PITPNB: variants seen among roughly 807,000 people sequenced by gnomAD.
The protein encoded by PITPNB is phosphatidylinositol transfer protein beta isoform.
A neutral mutation model predicts 45.9 loss-of-function variants in PITPNB; 16 were observed. That is an observed-to-expected ratio of 0.35 (90% CI 0.24 to 0.53). PITPNB has a LOEUF of 0.53. Among genes scored for constraint, PITPNB ranks in the 20% least tolerant of loss-of-function variants. The pLI is 0.93. For synonymous variants in PITPNB, 112 were observed against 108.9 expected, an observed-to-expected ratio of 1.03 and a Z score of -0.18; for missense variants, 188 against 330.5, an observed-to-expected ratio of 0.57 and a Z score of 3.34.
At chr22:27,906,129 C>T (rs1202422305) in intron 3 of PITPNB, among the ~76,000 whole-genome samples, 2 of 152,074 alleles carry the variant, frequency 1.3e-5, no homozygotes, top group African/African-American at 4.8e-5. Flanking sequence ...CCATGGAATG[C>T]CTCTGCATAG....
chr22:27,881,452 C>T (rs922887732), intron 7 of PITPNB, among the ~76,000 whole-genome samples: 1 of 152,170 alleles, frequency 6.6e-6, no homozygotes, highest in Non-Finnish European at 1.5e-5. Flanking sequence ...ATTTTTAAGA[C>T]AGAAATGAAC....
At chr22:27,917,723 G>A (rs933027213) in intron 1 of PITPNB, among the ~76,000 whole-genome samples, 1 of 152,204 alleles carries the variant, frequency 6.6e-6, no homozygotes, top group African/African-American at 2.4e-5. Flanking sequence ...CTGGGGATAT[G>A]AGAGTGAGCA....
rs115756297 is a variant in PITPNB at position 27,862,639 on chromosome 22, C to T, written c.535-2398G>A. Among the ~76,000 whole-genome samples the T allele has an allele frequency of 6.8e-3, 1,031 of 152,218 alleles. 7 individuals are homozygous for T. Among genetic ancestry groups the T allele is most frequent in the African/African-American group, 0.023 (936 of 41,522 alleles). ...AAAACAGAGTACCAATGTGAAAATT[C>T]AGGATGTATGTGTATGTGTATATGT... On this transcript the variant is annotated intron_variant, in intron 8 of 11. Transcript: ENST00000335272.
chr22:27,911,971 C>G (rs963325082), intron 2 of PITPNB, among the ~76,000 whole-genome samples: 1 of 152,142 alleles, frequency 6.6e-6, no homozygotes, highest in Non-Finnish European at 1.5e-5. Flanking sequence ...GGAAAAAGTT[C>G]TCGTGTTCTA....
At chr22:27,918,758 C>A (rs1021643667) in intron 1 of PITPNB, among the ~76,000 whole-genome samples, 47 of 152,182 alleles carry the variant, frequency 3.1e-4, no homozygotes, top group Non-Finnish European at 5.9e-5. Flanking sequence ...GACTCCACCC[C>A]GGACGACAAA....
At position 27,885,967 on chromosome 22, in the gene PITPNB, T is replaced by C. The variant is rs1479001628; in HGVS notation, c.456+8588A>G. 2.6e-5 allele frequency among the ~76,000 whole-genome samples: 4 copies of C among 152,308 alleles called. No homozygotes were observed. The East Asian group carries it at 7.7e-4, about 29-fold the overall frequency. On this transcript the variant is annotated intron_variant, in intron 7 of 11. Transcript: ENST00000335272. ...GTACAATCCTGACCGCCAAGAGGCA[T>C]CTAGCTTACTGAGGAAGACTTTTAG... is the stretch of plus-strand genomic sequence containing the variant.
chr22:27,855,074 G>A, intron 10 of PITPNB, 135 bp from the exon 11 acceptor site: 2 of 618,860 alleles, frequency 3.2e-6, no homozygotes, highest in Non-Finnish European at 5.7e-6. Flanking sequence ...ATGAAGTTCT[G>A]TGGCCCCTCA....
intron 1 of PITPNB, 157 bp downstream of exon 1, chr22:27,919,015 G>C (rs1936187007): frequency 9.4e-7 from 1 of 1,065,464 alleles, no homozygotes; most frequent in Non-Finnish European, 1.4e-6. Flanking sequence ...CGCACTCGCT[G>C]AGGGGCTTCG....
intron 11 of PITPNB, among the ~76,000 whole-genome samples, chr22:27,854,163 T>C (rs1329981641): frequency 6.6e-6 from 1 of 151,984 alleles, no homozygotes; most frequent in Non-Finnish European, 1.5e-5. Flanking sequence ...TATAGTTCAG[T>C]ATAAACAAAT....
Position 27,912,608 on chromosome 22 carries a change from T to C in PITPNB, c.52-1499A>G, listed in dbSNP as rs184553393. On this transcript the variant is annotated intron_variant, in intron 2 of 11. Coordinates refer to ENST00000335272, the MANE Select transcript of PITPNB (RefSeq NM_012399.5). ...GACATTTCATGGCATGCTACTTAGT[T>C]TTCTCTCATTCTCCTTTTTTAAGAA... 6.4e-4 allele frequency among the ~76,000 whole-genome samples: 97 copies of C among 152,076 alleles called. 1 individual carries two copies. The highest frequency in any genetic ancestry group is 2.3e-3 in the African/African-American group (95 of 41,456).
At chr22:27,909,577 G>C (rs1297839261) in intron 3 of PITPNB, among the ~76,000 whole-genome samples, 1 of 151,950 alleles carries the variant, frequency 6.6e-6, no homozygotes, top group African/African-American at 2.4e-5. Context: ...TTTAACAAGA[G>C]ACTATCTTTT....
chr22:27,889,260 C>T (rs8137234), intron 7 of PITPNB, among the ~76,000 whole-genome samples: 6,358 of 152,112 alleles, frequency 0.042, 445 homozygotes, highest in African/African-American at 0.15. Flanking sequence ...CCCTTCAGCT[C>T]GAAAAACTAC....
chr22:27,910,860 C>T, intron 3 of PITPNB, 104 bp downstream of exon 3: 2 of 772,176 alleles, frequency 2.6e-6, no homozygotes, highest in Non-Finnish European at 4.4e-6. Flanking sequence ...TATTATCAAA[C>T]TGAAATTAAA....
At chr22:27,893,713 CT>C (rs1935356549) in intron 7 of PITPNB, among the ~76,000 whole-genome samples, 1 of 151,456 alleles carries the variant, frequency 6.6e-6, no homozygotes, top group Non-Finnish European at 1.5e-5. Flanking sequence ...TCTAAGCCTC[CT>C]CATGTAGCTG....
chr22:27,902,250 C>T (rs1418296927), intron 3 of PITPNB, among the ~76,000 whole-genome samples: 2 of 152,036 alleles, frequency 1.3e-5, no homozygotes, highest in African/African-American at 4.8e-5. Context: ...GAGGGAACAG[C>T]ATGACTACAG....
chr22:27,898,104 G>T, intron 3 of PITPNB: 1 of 488,614 alleles, frequency 2.0e-6, no homozygotes, highest in South Asian at 2.1e-5. Flanking sequence ...AGCTGGGTAT[G>T]GTGGCTCATG....
chr22:27,878,894 G>A (rs999565896), intron 7 of PITPNB, among the ~76,000 whole-genome samples: 1 of 152,162 alleles, frequency 6.6e-6, no homozygotes, highest in African/African-American at 2.4e-5. Context: ...GGACAAAACT[G>A]CATTAAAAAA....
At chr22:27,858,650 T>A in intron 9 of PITPNB, 141 bp from the exon 10 acceptor site, 1 of 593,356 alleles carries the variant, frequency 1.7e-6, no homozygotes, top group Non-Finnish European at 2.9e-6. Flanking sequence ...GTGGAAATCA[T>A]AATTCCATTT....
intron 10 of PITPNB, among the ~76,000 whole-genome samples, chr22:27,856,144 A>G (rs1934165631): frequency 6.6e-6 from 1 of 152,224 alleles, no homozygotes; most frequent in African/African-American, 2.4e-5. Context: ...AATTTGTCTT[A>G]AAATGTTTTT....
Sources: gnomAD v4.1 joint callset for allele counts (sites outside exome capture counted in the v4.1 genomes callset) on GRCh38, gnomAD v4.1.1 for gene constraint, MANE v1.5 for transcripts, NCBI Gene and HGNC (gene_info 2026-07-23, HGNC 2026-07-21) for gene names.